UNC13C: variants seen among roughly 807,000 people sequenced by gnomAD.
The protein encoded by UNC13C is protein unc-13 homolog C.
UNC13C carries 174 observed loss-of-function variants against 245.4 expected under a neutral mutation model. The ratio of observed to expected loss-of-function variants is 0.71; its 90% CI spans 0.63 to 0.80. The LOEUF is 0.80. Ranked by LOEUF, UNC13C falls within the 30% of genes least tolerant of loss-of-function variation. The pLI is 0.00. For missense variants in UNC13C, 2,829 were observed against 2,602.9 expected, an observed-to-expected ratio of 1.09 and a Z score of -1.89; for synonymous variants, 992 against 895.1, an observed-to-expected ratio of 1.11 and a Z score of -1.93.
At chr15:54,614,780 A>G (rs1900320950) in intron 30 of UNC13C, among the ~76,000 whole-genome samples, 1 of 151,988 alleles carries the variant, frequency 6.6e-6, no homozygotes, top group African/African-American at 2.4e-5. Context: ...CTTTATCTGT[A>G]AACATTTCAT....
chr15:54,125,271 G>T (rs1409099259), intron 2 of UNC13C, among the ~76,000 whole-genome samples: 1 of 152,102 alleles, frequency 6.6e-6, no homozygotes, highest in Non-Finnish European at 1.5e-5. Flanking sequence ...AGACCAGCCT[G>T]GTCAACATAG....
chr15:54,499,600 A>C (rs1390425768), intron 20 of UNC13C, among the ~76,000 whole-genome samples: 17 of 152,296 alleles, frequency 1.1e-4, no homozygotes, highest in East Asian at 3.9e-4. Context: ...ATTTATGCTC[A>C]GAATGGAGAA....
At chr15:54,460,810 T>G (rs1891804392) in intron 19 of UNC13C, among the ~76,000 whole-genome samples, 1 of 152,220 alleles carries the variant, frequency 6.6e-6, no homozygotes, top group Non-Finnish European at 1.5e-5. Flanking sequence ...CTCCACACAC[T>G]GTTCTGTCCA....
chr15:54,425,105 T>C (rs1050412138), intron 19 of UNC13C, among the ~76,000 whole-genome samples: 1 of 151,830 alleles, frequency 6.6e-6, no homozygotes, highest in African/African-American at 2.4e-5. Flanking sequence ...TGAAAGAGTA[T>C]GAGTGACATT....
intron 4 of UNC13C, among the ~76,000 whole-genome samples, chr15:54,203,738 ATATATATGTATATATACACATATATATG>A (rs1290345662): frequency 9.9e-6 from 1 of 101,396 alleles, no homozygotes; most frequent in Non-Finnish European, 2.5e-5. Context: ...ACACATATAC[ATATATATGTATATATACACATATATATG>A]TATATATACA....
At chr15:54,524,122 T>C (rs1895343855) in intron 24 of UNC13C, among the ~76,000 whole-genome samples, 1 of 152,228 alleles carries the variant, frequency 6.6e-6, no homozygotes, top group Non-Finnish European at 1.5e-5. Flanking sequence ...TATCTAATTG[T>C]CTTTCTGAAT....
chr15:54,160,052 A>G (rs1177709058), intron 4 of UNC13C, among the ~76,000 whole-genome samples: 1 of 152,056 alleles, frequency 6.6e-6, no homozygotes, highest in African/African-American at 2.4e-5. Flanking sequence ...AGATTGAGGT[A>G]GAAGGAATAT....
At chr15:54,495,596 G>A (rs914331684) in intron 20 of UNC13C, among the ~76,000 whole-genome samples, 5 of 151,730 alleles carry the variant, frequency 3.3e-5, no homozygotes. Context: ...TAATTATGGA[G>A]GTAAGAATAT....
intron 6 of UNC13C, 141 bp from the exon 7 acceptor site, chr15:54,237,478 C>A (rs1222770768): frequency 1.4e-6 from 1 of 727,170 alleles, no homozygotes; most frequent in African/African-American, 1.7e-5. Flanking sequence ...GGTGAATCGG[C>A]TGATTACCAA....
chr15:54,115,387 C>G (rs1269436887), intron 2 of UNC13C, among the ~76,000 whole-genome samples: 1 of 151,984 alleles, frequency 6.6e-6, no homozygotes, highest in East Asian at 1.9e-4. Flanking sequence ...TGGTTTTGTG[C>G]TGCTGTTTCT....
At chr15:53,905,236 C>T in the UNC13C span, among the ~76,000 whole-genome samples, 1 of 152,098 alleles carries the variant, frequency 6.6e-6, no homozygotes. Context: ...CAGTATCTCA[C>T]AGAGCTATCT....
the UNC13C span, among the ~76,000 whole-genome samples, chr15:53,842,900 T>TATATA: frequency 1.4e-4 from 20 of 145,946 alleles, no homozygotes; most frequent in African/African-American, 5.0e-4. Context: ...ATTTTAAGTT[T>TATATA]TATATATATA....
chr15:54,178,850 G>A (rs2033702718), intron 4 of UNC13C, among the ~76,000 whole-genome samples: 1 of 151,992 alleles, frequency 6.6e-6, no homozygotes, highest in Non-Finnish European at 1.5e-5. Flanking sequence ...ACAGAATTAA[G>A]GAAATAAAAT....
intron 2 of UNC13C, chr15:54,049,853 A>T (rs1200897550): frequency 1.7e-5 from 4 of 236,522 alleles, no homozygotes; most frequent in Middle Eastern, 7.5e-4. Flanking sequence ...GGTGGCTGTA[A>T]CTATCCCATG....
Position 54,297,891 on chromosome 15 carries a change from G to C in UNC13C, c.4069G>C (p.Ala1357Pro), listed in dbSNP as rs1204811388. 2 of 1,607,872 alleles carry C rather than the reference G, an allele frequency of 1.2e-6. No individual in the cohort carries two copies. The highest frequency in any genetic ancestry group is 1.3e-5 in the African/African-American group (1 of 74,790). The change falls in exon 12 of 33, where the codon GCT becomes CCT. Residue 1357 changes from alanine to proline, a missense_variant. Transcript: ENST00000260323. ...GGAGATAAAAGGAGAAGAGAAGGTTGCTCCATATCATATTCAATATACATG... is the reference window on the plus strand; with the variant it reads ...GGAGATAAAAGGAGAAGAGAAGGTTCCTCCATATCATATTCAATATACATG... The part of the protein sequence containing the change: ...NVEIKGEEKV[A>P]PYHIQYTCLH...
chr15:54,267,974 T>G (rs2036589099), intron 10 of UNC13C, among the ~76,000 whole-genome samples: 2 of 151,936 alleles, frequency 1.3e-5, no homozygotes, highest in Non-Finnish European at 2.9e-5. Context: ...TACTTTAAGT[T>G]CTGGGATACA....
intron 19 of UNC13C, among the ~76,000 whole-genome samples, chr15:54,451,007 A>G (rs1178905504): frequency 6.6e-6 from 1 of 152,132 alleles, no homozygotes; most frequent in African/African-American, 2.4e-5. Context: ...TACTGTGTAT[A>G]GTATTTTTGG....
chr15:54,053,958 C>G (rs1200225741), intron 2 of UNC13C, among the ~76,000 whole-genome samples: 1 of 152,176 alleles, frequency 6.6e-6, no homozygotes, highest in Non-Finnish European at 1.5e-5. Flanking sequence ...CATGTTGTTG[C>G]AAATGACAGG....
chr15:54,450,493 G>A (rs747259172), intron 19 of UNC13C, among the ~76,000 whole-genome samples: 7 of 152,318 alleles, frequency 4.6e-5, no homozygotes, highest in South Asian at 2.1e-4. Context: ...CTCCAGCCTC[G>A]CTGCTGCCTT....
Sources: allele counts gnomAD v4.1 joint callset (sites outside exome capture counted in the v4.1 genomes callset), GRCh38; gene constraint gnomAD v4.1.1; transcripts MANE v1.5; gene names NCBI Gene and HGNC (gene_info 2026-07-23, HGNC 2026-07-21).